Variants in LGALS4 observed in about 807,000 individuals in gnomAD.
The protein encoded by LGALS4 is galectin-4.
Under a neutral mutation model 39.6 loss-of-function variants are expected in LGALS4, and 37 were observed. That is an observed-to-expected ratio of 0.93 (90% CI 0.72 to 1.23). The LOEUF (loss-of-function observed/expected upper bound fraction) is 1.23. Among genes scored for constraint, LGALS4 ranks in the 50% most tolerant of loss-of-function variants. The pLI, the probability that LGALS4 is intolerant of heterozygous loss-of-function variation, is 0.00. For missense variants in LGALS4, 397 were observed against 433.2 expected (o/e 0.92, Z 0.74); for synonymous variants, 160 against 165.5 (o/e 0.97, Z 0.25).
chr19:38,810,394 G>A lies in LGALS4; in HGVS notation c.135-1446C>T, dbSNP rs138824285. 9.9e-3 allele frequency among the ~76,000 whole-genome samples: 1,134 copies of A among 114,662 alleles called. 38 individuals are homozygous for A. Among genetic ancestry groups the A allele is most frequent in the African/African-American group, 0.037 (1,022 of 27,668 alleles). The allele number at this position is 114,662 out of a possible 152,430, so 75.2% of individuals were successfully genotyped here. On this transcript the variant is annotated intron_variant, in intron 2 of 9. Coordinates refer to ENST00000307751, the MANE Select transcript of LGALS4 (RefSeq NM_006149.4). ...TTTTTTTTTTTTGAGATGGAGTCTCGCTCTTTCGCCCAGGCTGGAGTGCAG... is the reference window on the plus strand; with the variant it reads ...TTTTTTTTTTTTGAGATGGAGTCTCACTCTTTCGCCCAGGCTGGAGTGCAG...
chr19:38,812,881 GGCCATC>G lies in LGALS4; in HGVS notation c.-1_5del. On this transcript the variant is annotated start_lost and 5_prime_UTR_variant, in exon 1 of 10. Coordinates refer to ENST00000307751, the MANE Select transcript of LGALS4 (RefSeq NM_006149.4). ...GCTGGTAGCCCGGTGCGGGGACATA[GGCCATC>G]GCTCGAGGCTGCGCTAGTGGCTGGT... 1 of 1,611,980 alleles carries G rather than the reference GGCCATC, an allele frequency of 6.2e-7. No homozygotes were observed. Among genetic ancestry groups the G allele is most frequent in the Non-Finnish European group, 8.5e-7 (1 of 1,179,976 alleles).
chr19:38,809,644 C>CTTTTTTTTTTTTTTTTTTTT lies in LGALS4; in HGVS notation c.135-716_135-697dup, dbSNP rs66473176. Among the ~76,000 whole-genome samples the CTTTTTTTTTTTTTTTTTTTT allele has an allele frequency of 2.7e-5, 2 of 74,516 alleles. 1 individual carries two copies. The highest frequency in any genetic ancestry group is 1.2e-4 in the African/African-American group (2 of 17,064). The allele number at this position is 74,516 out of a possible 152,430, so 48.9% of individuals were successfully genotyped here. A position where few individuals can be genotyped will look rare whatever the true frequency, so the allele number is the denominator to read the frequency against. ...TACAGGTGCATGCCACTATGCCTGG[C>CTTTTTTTTTTTTTTTTTTTT]TTTTTTTTTTTTTTTTTTTTTTTTT... On this transcript the variant is annotated intron_variant, in intron 2 of 9. Transcript: ENST00000307751.
chr19:38,810,917 T>G (rs1971485645), intron 2 of LGALS4, among the ~76,000 whole-genome samples: 1 of 151,368 alleles, frequency 6.6e-6, no homozygotes, highest in African/African-American at 2.4e-5. Context: ...TTTTTTTTTT[T>G]TGAGACAGAG....
chr19:38,801,715 T>C lies in LGALS4; in HGVS notation c.*49A>G. Reference sequence around the variant, plus strand: ...ATTTTATTAGGGGCTTAGAAAGGAGTCCTAGGGGATAATTCTGTTTTCCCA... The same window carrying C: ...ATTTTATTAGGGGCTTAGAAAGGAGCCCTAGGGGATAATTCTGTTTTCCCA... On this transcript the variant is annotated 3_prime_UTR_variant, in exon 10 of 10. Coordinates refer to ENST00000307751, the MANE Select transcript of LGALS4 (RefSeq NM_006149.4). The C allele has an allele frequency of 6.3e-7, 1 of 1,598,188 alleles. No homozygotes were observed. Among genetic ancestry groups the C allele is most frequent in the Non-Finnish European group, 8.6e-7 (1 of 1,169,024 alleles).
At chr19:38,806,236 C>T (rs1971419698) in intron 4 of LGALS4, among the ~76,000 whole-genome samples, 1 of 150,354 alleles carries the variant, frequency 6.7e-6, no homozygotes, top group Non-Finnish European at 1.5e-5. Context: ...GGCGTGGTGG[C>T]AGGCTCCTGT....
rs1971511263 is a variant in LGALS4 at position 38,812,844 on chromosome 19, G to A, written c.43C>T (p.Pro15Ser). 1 of 1,611,702 alleles carries A rather than the reference G, an allele frequency of 6.2e-7. No individual in the cohort carries two copies. Among genetic ancestry groups the A allele is most frequent in the East Asian group, 2.2e-5 (1 of 44,878 alleles). The change falls in exon 1 of 10, where the codon CCG becomes TCG. Residue 15 changes from proline to serine, a missense_variant and splice_region_variant. Transcript: ENST00000307751. ...TGGGGCCTGAGCTGGCATCTCACCG[G>A]GTTGTAGGTGGGCTGGTAGCCCGGT... is the stretch of plus-strand genomic sequence containing the variant. Reference protein sequence around the residue: ...PAPGYQPTYNPTLPYYQPIPG... With the variant: ...PAPGYQPTYNSTLPYYQPIPG...
At chr19:38,808,206 G>A (rs909622780) in intron 3 of LGALS4, among the ~76,000 whole-genome samples, 2 of 151,766 alleles carry the variant, frequency 1.3e-5, no homozygotes, top group African/African-American at 4.8e-5. Flanking sequence ...CATAAAAAGT[G>A]GGGATGGAAA....
At position 38,801,856 on chromosome 19, in the gene LGALS4, G is replaced by A. The variant is rs771531951; in HGVS notation, c.880C>T (p.Leu294Phe). 2 of 1,614,238 alleles carry A rather than the reference G, an allele frequency of 1.2e-6. No homozygotes were observed. Among genetic ancestry groups the A allele is most frequent in the Non-Finnish European group, 8.5e-7 (1 of 1,180,034 alleles). The stretch of plus-strand genomic sequence containing the variant: ...GAGAGGCGATGGGCAAAGTCAAAGA[G>A]GTGCTGGCCATTGGCGTAAACCTTG... ...RFKVYANGQHLFDFAHRLSAF... is the reference protein window; with the variant it reads ...RFKVYANGQHFFDFAHRLSAF... The change falls in exon 10 of 10, where the codon CTC (leucine) becomes TTC (phenylalanine). Residue 294 changes from leucine to phenylalanine, a missense_variant. By Grantham distance (22) the Leu-to-Phe change is conservative. Coordinates refer to ENST00000307751, the MANE Select transcript of LGALS4 (RefSeq NM_006149.4).
At position 38,803,777 on chromosome 19, in the gene LGALS4, G is replaced by A. The variant is rs1231455675; in HGVS notation, c.505C>T (p.Pro169Ser). ...GPPMMPPYPG[P>S]GHCHQQLNSL... ...TTCAGCTGTTGATGGCAATGTCCGG[G>A]ACCCTGAACGATGGACAGAAGGCAG... The change falls in exon 6 of 10, where the codon CCC becomes TCC. Residue 169 changes from proline to serine, a missense_variant. Pro to Ser is a moderately conservative substitution (Grantham distance 74). Coordinates refer to ENST00000307751, the MANE Select transcript of LGALS4 (RefSeq NM_006149.4). 3.7e-6 allele frequency: 6 copies of A among 1,613,562 alleles called. No homozygotes were observed. The highest frequency in any genetic ancestry group is 1.3e-5 in the African/African-American group (1 of 74,852).
In LGALS4 at chr19:38,803,750, T is replaced by TG. The variant is rs1414682487; in HGVS notation, c.531dup (p.Ser178GlnfsTer61). ...CCAGCCCTCCCACTCACGGGCAGGC[T>TG]GTTCAGCTGTTGATGGCAATGTCCG... On this transcript the variant is annotated frameshift_variant, in exon 6 of 10. Coordinates refer to ENST00000307751, the MANE Select transcript of LGALS4 (RefSeq NM_006149.4). LOFTEE classifies it high-confidence loss of function. The TG allele has an allele frequency of 3.1e-6, 5 of 1,613,394 alleles. No individual in the cohort carries two copies. In the African/African-American group the frequency reaches 4.0e-5, roughly 13 times the overall value.
chr19:38,804,777 C>G (rs1013857903), intron 4 of LGALS4, among the ~76,000 whole-genome samples: 1 of 151,546 alleles, frequency 6.6e-6, no homozygotes, highest in Non-Finnish European at 1.5e-5. Flanking sequence ...GAGCTGAGAT[C>G]ATGCCACTGC....
intron 2 of LGALS4, among the ~76,000 whole-genome samples, chr19:38,811,057 A>G (rs991200156): frequency 6.6e-6 from 1 of 151,690 alleles, no homozygotes; most frequent in Non-Finnish European, 1.5e-5. Flanking sequence ...ATGCGCCACC[A>G]CGCCCTGGTA....
intron 4 of LGALS4, among the ~76,000 whole-genome samples, chr19:38,805,208 T>TAATAAA (rs143505798): frequency 0.034 from 5,091 of 148,224 alleles, 141 homozygotes; most frequent in South Asian, 0.079. Context: ...ATAATAATAA[T>TAATAAA]ATTGATAAAC....
Position 38,802,096 on chromosome 19 carries a change from T to G in LGALS4, c.721A>C (p.Met241Leu), listed in dbSNP as rs763584736. 4 of 1,614,046 alleles carry G rather than the reference T, an allele frequency of 2.5e-6. No homozygotes were observed. In the African/African-American group the frequency reaches 5.3e-5, roughly 22 times the overall value. The change falls in exon 9 of 10, where the codon ATG becomes CTG. Residue 241 changes from methionine (M) to leucine (L), a missense_variant. Met to Leu is a conservative substitution (Grantham distance 15). Coordinates refer to ENST00000307751, the MANE Select transcript of LGALS4 (RefSeq NM_006149.4). ...TTCCGGACCACGGTACCGTTGCCCATGCGGGGATTAATGTGCAGAGCTATG... is the reference window on the plus strand; with the variant it reads ...TTCCGGACCACGGTACCGTTGCCCAGGCGGGGATTAATGTGCAGAGCTATG... ...GDIALHINPRMGNGTVVRNSL... is the reference protein window; with the variant it reads ...GDIALHINPRLGNGTVVRNSL...
intron 2 of LGALS4, among the ~76,000 whole-genome samples, chr19:38,809,718 G>A (rs959748436): frequency 6.4e-5 from 9 of 141,614 alleles, no homozygotes; most frequent in East Asian, 2.1e-4. Context: ...TCAAACTCCC[G>A]GGCTCAAGCA....
At chr19:38,812,180 T>C (rs1317036910) in intron 2 of LGALS4, among the ~76,000 whole-genome samples, 1 of 152,168 alleles carries the variant, frequency 6.6e-6, no homozygotes, top group Non-Finnish European at 1.5e-5. Context: ...ATTCCTGCCA[T>C]TGCACCCATC....
chr19:38,806,374 A>AG, intron 4 of LGALS4, 87 bp downstream of exon 4: 1 of 1,455,578 alleles, frequency 6.9e-7, no homozygotes, highest in South Asian at 1.3e-5. Flanking sequence ...TCTCAAAAAA[A>AG]AAAGAAAAAA....
chr19:38,802,696 T>A (rs924909069), intron 7 of LGALS4, among the ~76,000 whole-genome samples: 2 of 150,414 alleles, frequency 1.3e-5, no homozygotes, highest in Admixed American at 6.6e-5. Context: ...TTTTTTTTTT[T>A]AGGCAGAGTC....
rs967191736 is a variant in LGALS4 at position 38,804,245 on chromosome 19, C to G, written c.475-350G>C. 2.0e-5 allele frequency among the ~76,000 whole-genome samples: 3 copies of G among 152,250 alleles called. No individual in the cohort carries two copies. In the East Asian group the frequency reaches 5.8e-4, roughly 29 times the overall value. On this transcript the variant is annotated intron_variant, in intron 4 of 9. Transcript: ENST00000307751. ...TCTCTGCCTCTCTCTCTGTCTTGGC[C>G]ACACCTCAGCGCAGGGGCTTCCTTC...
Sources: gnomAD v4.1 joint callset for allele counts (sites outside exome capture counted in the v4.1 genomes callset) on GRCh38, gnomAD v4.1.1 for gene constraint, MANE v1.5 for transcripts, NCBI Gene and HGNC (gene_info 2026-07-23, HGNC 2026-07-21) for gene names.